GFRA1: variants seen among roughly 807,000 people sequenced by gnomAD.
GFRA1 encodes GDNF family receptor alpha-1.
In GFRA1, 16 loss-of-function variants were observed where a neutral mutation model predicts 51.6. That is an observed-to-expected ratio of 0.31 (90% CI 0.21 to 0.47). The LOEUF is 0.47. Among genes scored for constraint, GFRA1 ranks in the 20% least tolerant of loss-of-function variants. GFRA1 has a pLI of 1.00. For synonymous variants in GFRA1, 270 were observed against 241.3 expected (o/e 1.12, Z -1.10); for missense variants, 530 against 594.3 (o/e 0.89, Z 1.13).
intron 5 of GFRA1, among the ~76,000 whole-genome samples, chr10:116,200,376 T>C (rs1964231198): frequency 6.6e-6 from 1 of 152,202 alleles, no homozygotes; most frequent in Admixed American, 6.5e-5. Flanking sequence ...AGTCCTTCAC[T>C]AGCTGTAAGA....
chr10:116,221,408 G>C (rs770859602), intron 4 of GFRA1, among the ~76,000 whole-genome samples: 42 of 152,176 alleles, frequency 2.8e-4, no homozygotes, highest in Non-Finnish European at 1.8e-4. Flanking sequence ...ACCCCAGAGA[G>C]AGAAGAGAAT....
chr10:116,076,763 T>C (rs1246803232), intron 9 of GFRA1, among the ~76,000 whole-genome samples: 1 of 152,152 alleles, frequency 6.6e-6, no homozygotes, highest in Non-Finnish European at 1.5e-5. Context: ...GGGACCTAAT[T>C]CCCCATGGTG....
At chr10:116,171,836 C>G (rs1170108161) in intron 5 of GFRA1, among the ~76,000 whole-genome samples, 1 of 152,196 alleles carries the variant, frequency 6.6e-6, no homozygotes, top group Non-Finnish European at 1.5e-5. Flanking sequence ...TGAGTCACTC[C>G]TGCTCACAAT....
chr10:116,161,600 T>A (rs757497448), intron 5 of GFRA1, among the ~76,000 whole-genome samples: 3 of 152,194 alleles, frequency 2.0e-5, no homozygotes, highest in Non-Finnish European at 4.4e-5. Context: ...TGGGAGCAGT[T>A]TCCCCCATAC....
At chr10:116,245,267 G>C (rs1013572607) in intron 4 of GFRA1, among the ~76,000 whole-genome samples, 1 of 152,124 alleles carries the variant, frequency 6.6e-6, no homozygotes, top group African/African-American at 2.4e-5. Flanking sequence ...TAAGAGATCT[G>C]AACAGACATC....
At chr10:116,268,533 A>G (rs1969848820) in intron 4 of GFRA1, among the ~76,000 whole-genome samples, 1 of 152,220 alleles carries the variant, frequency 6.6e-6, no homozygotes, top group Non-Finnish European at 1.5e-5. Context: ...ACACACCCAA[A>G]TAAAATATCA....
intron 5 of GFRA1, among the ~76,000 whole-genome samples, chr10:116,155,274 T>C (rs1959179306): frequency 1.3e-5 from 2 of 152,308 alleles, no homozygotes; most frequent in Non-Finnish European, 2.9e-5. Flanking sequence ...TCCAGTCTCT[T>C]GGGCTCTCAT....
intron 10 of GFRA1, among the ~76,000 whole-genome samples, 198 bp downstream of exon 10, chr10:116,065,375 T>C (rs1376003736): frequency 6.6e-6 from 1 of 152,212 alleles, no homozygotes; most frequent in Non-Finnish European, 1.5e-5. Context: ...CCAGGTCCCA[T>C]GCTTACTTCC....
intron 6 of GFRA1, among the ~76,000 whole-genome samples, chr10:116,109,229 G>T (rs2694800): frequency 0.18 from 26,819 of 152,062 alleles, 2,406 homozygotes; most frequent in Middle Eastern, 0.23. Flanking sequence ...GAAAGAAGCC[G>T]CAGCTTCTTG....
chr10:116,165,317 G>A (rs959165445), intron 5 of GFRA1, among the ~76,000 whole-genome samples: 8 of 146,074 alleles, frequency 5.5e-5, no homozygotes, highest in African/African-American at 2.2e-4. Flanking sequence ...ATAATAAGAA[G>A]TCACTTCCAT....
At chr10:116,075,285 T>C (rs1955568959) in intron 9 of GFRA1, among the ~76,000 whole-genome samples, 1 of 152,176 alleles carries the variant, frequency 6.6e-6, no homozygotes, top group Non-Finnish European at 1.5e-5. Flanking sequence ...TTTTGCAAGG[T>C]AGCACACCTA....
At chr10:116,273,849 G>A (rs1012656923), upstream of GFRA1, among the ~76,000 whole-genome samples, 1 of 152,076 alleles carries the variant, frequency 6.6e-6, no homozygotes, top group Non-Finnish European at 1.5e-5. Context: ...GACACACTCA[G>A]ACCCAGGACG....
At chr10:116,130,244 A>G (rs1160488886) in intron 5 of GFRA1, among the ~76,000 whole-genome samples, 2 of 152,018 alleles carry the variant, frequency 1.3e-5, no homozygotes, top group Non-Finnish European at 2.9e-5. Flanking sequence ...TTAAGGCTCA[A>G]TATTATTAAA....
At chr10:116,234,663 C>T (rs79727827) in intron 4 of GFRA1, among the ~76,000 whole-genome samples, 22,683 of 152,162 alleles carry the variant, frequency 0.15, 2,086 homozygotes, top group African/African-American at 0.26. Context: ...AAAAATGTAC[C>T]ACTCAGGGCT....
At chr10:116,162,297 C>T (rs1348340939) in intron 5 of GFRA1, among the ~76,000 whole-genome samples, 1 of 152,154 alleles carries the variant, frequency 6.6e-6, no homozygotes, top group Non-Finnish European at 1.5e-5. Flanking sequence ...GAGAAAGAGA[C>T]CAGAGATCCG....
chr10:116,111,606 C>G (rs924696571), intron 6 of GFRA1, among the ~76,000 whole-genome samples: 1 of 152,170 alleles, frequency 6.6e-6, no homozygotes, highest in African/African-American at 2.4e-5. Flanking sequence ...TAAGCCTACT[C>G]CCATCTGGTG....
At chr10:116,266,586 C>A (rs989540683) in intron 4 of GFRA1, among the ~76,000 whole-genome samples, 42 of 152,212 alleles carry the variant, frequency 2.8e-4, no homozygotes, top group African/African-American at 9.9e-4. Flanking sequence ...GAAAATGGGG[C>A]TCTAGACAAG....
chr10:116,181,705 T>C (rs1048735039), intron 5 of GFRA1, among the ~76,000 whole-genome samples: 3 of 152,256 alleles, frequency 2.0e-5, no homozygotes, highest in East Asian at 3.9e-4. Flanking sequence ...TGGCATGATC[T>C]CGGCTCACTG....
chr10:116,076,541 C>T (rs1955627362), intron 9 of GFRA1, among the ~76,000 whole-genome samples: 1 of 152,174 alleles, frequency 6.6e-6, no homozygotes, highest in African/African-American at 2.4e-5. Flanking sequence ...GGTTCAAAAT[C>T]AGCCTGCCCT....
Sources: gnomAD v4.1 joint callset for allele counts (sites outside exome capture counted in the v4.1 genomes callset) on GRCh38, gnomAD v4.1.1 for gene constraint, MANE v1.5 for transcripts, NCBI Gene and HGNC (gene_info 2026-07-23, HGNC 2026-07-21) for gene names.